Variants in SPATA6 observed in about 807,000 individuals in gnomAD.
The protein encoded by SPATA6 is spermatogenesis-associated protein 6.
SPATA6 carries 56 observed loss-of-function variants against 65.3 expected under a neutral mutation model. The ratio of observed to expected loss-of-function variants is 0.86; its 90% CI spans 0.69 to 1.07. The LOEUF (loss-of-function observed/expected upper bound fraction) is 1.07, where lower values mean the gene tolerates loss of function less well. SPATA6 is among the 50% of genes least tolerant of loss of function. SPATA6 has a pLI of 0.00. For missense variants in SPATA6, 590 were observed against 594.8 expected (o/e 0.99, Z 0.08); for synonymous variants, 199 against 213.2 (o/e 0.93, Z 0.58).
At chr1:48,368,487 T>C (rs1385502750) in intron 9 of SPATA6, among the ~76,000 whole-genome samples, 1 of 152,158 alleles carries the variant, frequency 6.6e-6, no homozygotes, top group Non-Finnish European at 1.5e-5. Context: ...GGAGACTTTG[T>C]TCGTTTCTTT....
rs906468753 is a variant in SPATA6 at position 48,449,636 on chromosome 1, G to A, written c.238+1916C>T. Among the ~76,000 whole-genome samples, 9 of 152,272 alleles carry A rather than the reference G, an allele frequency of 5.9e-5. No homozygotes were observed. In the South Asian group the frequency reaches 8.3e-4, roughly 14 times the overall value. On this transcript the variant is annotated intron_variant, in intron 3 of 12. Transcript: ENST00000371847. ...TACTATAGGAAAAAAGAGAGAAATC[G>A]ACATATATGGTGTGTGAACCACACC...
intron 8 of SPATA6, among the ~76,000 whole-genome samples, chr1:48,386,471 A>G (rs929728250): frequency 1.3e-5 from 2 of 152,208 alleles, no homozygotes; most frequent in Non-Finnish European, 2.9e-5. Context: ...AAGAAAAACC[A>G]AAAGAGCAGA....
rs557757782 is a variant in SPATA6 at position 48,446,890 on chromosome 1, CAT to C, written c.238+4660_238+4661del. 2.0e-3 allele frequency among the ~76,000 whole-genome samples: 297 copies of C among 152,182 alleles called. 4 individuals carry two copies. Among genetic ancestry groups the C allele is most frequent in the African/African-American group, 6.9e-3 (287 of 41,526 alleles). On this transcript the variant is annotated intron_variant, in intron 3 of 12. Coordinates refer to ENST00000371847, the MANE Select transcript of SPATA6 (RefSeq NM_019073.4). ...GCAAAATACAGTTGACCTTGAACCA[CAT>C]GTTTGAACTGCATAGGTCCATTTAT...
intron 11 of SPATA6, among the ~76,000 whole-genome samples, chr1:48,350,966 T>C (rs1173359113): frequency 6.6e-6 from 1 of 151,980 alleles, no homozygotes; most frequent in Non-Finnish European, 1.5e-5. Context: ...GAGATTCAAA[T>C]ATTGAATCCT....
At chr1:48,412,573 C>T (rs185315643) in intron 4 of SPATA6, among the ~76,000 whole-genome samples, 2 of 152,214 alleles carry the variant, frequency 1.3e-5, no homozygotes, top group East Asian at 3.9e-4. Flanking sequence ...CATAGTAGAT[C>T]AACAATAGAA....
At chr1:48,317,982 A>G (rs969950270) in intron 11 of SPATA6, among the ~76,000 whole-genome samples, 1 of 152,360 alleles carries the variant, frequency 6.6e-6, no homozygotes, top group Non-Finnish European at 1.5e-5. Flanking sequence ...AATTATCCAA[A>G]GAATGCAAGG....
chr1:48,415,681 A>G (rs1652702775), intron 3 of SPATA6, among the ~76,000 whole-genome samples: 1 of 151,816 alleles, frequency 6.6e-6, no homozygotes, highest in Non-Finnish European at 1.5e-5. Flanking sequence ...AAGAACTCTG[A>G]GATGACAACA....
chr1:48,277,082 GCCTTCTTTGTTTTTTGCTTTTTT>G, the SPATA6 span, among the ~76,000 whole-genome samples: 2 of 149,496 alleles, frequency 1.3e-5, no homozygotes, highest in African/African-American at 4.9e-5. Flanking sequence ...ATTAGCAATG[GCCTTCTTTGTTTTTTGCTTTTTT>G]TTTTTTTTGT....
chr1:48,290,191 T>C, the SPATA6 span, among the ~76,000 whole-genome samples: 1 of 152,164 alleles, frequency 6.6e-6, no homozygotes, highest in Admixed American at 6.5e-5. Context: ...TGGGGGCCAA[T>C]ATTCAACATT....
intron 9 of SPATA6, among the ~76,000 whole-genome samples, chr1:48,379,650 T>C (rs1230527583): frequency 6.6e-6 from 1 of 152,184 alleles, no homozygotes; most frequent in Non-Finnish European, 1.5e-5. Context: ...TTACATTCAG[T>C]AATACCTTAT....
intron 11 of SPATA6, among the ~76,000 whole-genome samples, chr1:48,316,741 A>C (rs1645436176): frequency 2.6e-5 from 4 of 152,246 alleles, no homozygotes; most frequent in Admixed American, 2.6e-4. Flanking sequence ...CAGAGTGAAC[A>C]GGCAACCCAC....
chr1:48,358,200 G>T (rs991682263), intron 10 of SPATA6, among the ~76,000 whole-genome samples: 1 of 152,006 alleles, frequency 6.6e-6, no homozygotes, highest in Non-Finnish European at 1.5e-5. Flanking sequence ...ATCCAGAAAA[G>T]ACTGAGGTCA....
chr1:48,291,846 G>C (rs1569943778), downstream of SPATA6, among the ~76,000 whole-genome samples: 1 of 152,184 alleles, frequency 6.6e-6, no homozygotes, highest in African/African-American at 2.4e-5. Context: ...TCTATCTGTT[G>C]AAGTGGGAGG....
chr1:48,270,814 T>G, the SPATA6 span, among the ~76,000 whole-genome samples: 1 of 151,868 alleles, frequency 6.6e-6, no homozygotes, highest in African/African-American at 2.4e-5. Flanking sequence ...TTATCCTCCA[T>G]CAGGCTCCTC....
intron 3 of SPATA6, among the ~76,000 whole-genome samples, chr1:48,437,508 A>G (rs558933910): frequency 5.6e-4 from 85 of 152,216 alleles, no homozygotes; most frequent in African/African-American, 2.0e-3. Flanking sequence ...CTCTCAATAT[A>G]ATTTTTGAGC....
intron 5 of SPATA6, among the ~76,000 whole-genome samples, chr1:48,408,523 A>C (rs1242996930): frequency 1.3e-5 from 2 of 152,210 alleles, no homozygotes; most frequent in Non-Finnish European, 2.9e-5. Flanking sequence ...CATATCAATT[A>C]TTTCAATTTT....
Position 48,415,261 on chromosome 1 carries a change from T to C in SPATA6, c.239-2110A>G, listed in dbSNP as rs546136253. On this transcript the variant is annotated intron_variant, in intron 3 of 12. Transcript: ENST00000371847. Reference sequence around the variant, plus strand: ...GTTGGACAGGACGTTGCTGGGCAGATGTGCTCACGCAAGTAGTTTTTGGGT... The same window carrying C: ...GTTGGACAGGACGTTGCTGGGCAGACGTGCTCACGCAAGTAGTTTTTGGGT... Among the ~76,000 whole-genome samples the C allele has an allele frequency of 2.0e-5, 3 of 152,350 alleles. No homozygotes were observed. In the South Asian group the frequency reaches 6.2e-4, roughly 32 times the overall value.
chr1:48,469,810 G>GGT (rs145144326), intron 1 of SPATA6, among the ~76,000 whole-genome samples: 3 of 138,380 alleles, frequency 2.2e-5, no homozygotes, highest in African/African-American at 9.7e-5. Context: ...TTTTTTTTGT[G>GGT]GGGGGGGCGG....
At chr1:48,417,131 TAAC>T (rs1243248288) in intron 3 of SPATA6, among the ~76,000 whole-genome samples, 23 of 152,276 alleles carry the variant, frequency 1.5e-4, no homozygotes, top group African/African-American at 5.3e-4. Context: ...TTAAAAGATT[TAAC>T]AACAAGAAAA....
Sources: gnomAD v4.1 joint callset for allele counts (sites outside exome capture counted in the v4.1 genomes callset) on GRCh38, gnomAD v4.1.1 for gene constraint, MANE v1.5 for transcripts, NCBI Gene and HGNC (gene_info 2026-07-23, HGNC 2026-07-21) for gene names.